Variants in MCM9 observed in about 807,000 individuals in gnomAD.
MCM9 encodes the protein DNA helicase MCM9.
MCM9 carries 55 observed loss-of-function variants against 72.8 expected under a neutral mutation model. The ratio of observed to expected loss-of-function variants is 0.76; its 90% confidence interval spans 0.61 to 0.95. The LOEUF (loss-of-function observed/expected upper bound fraction) is 0.95. Ranked by LOEUF, MCM9 falls within the 40% of genes least tolerant of loss-of-function variation. The probability of loss-of-function intolerance (pLI) is 0.00; values close to 1 mark genes in which losing one functional copy is unlikely to be tolerated. For synonymous variants in MCM9, 480 were observed against 503.4 expected (o/e 0.95, Z 0.62); for missense variants, 1,279 against 1,377.0 (o/e 0.93, Z 1.13).
At chr6:118,904,254 A>ATT (rs1199388528) in intron 8 of MCM9, among the ~76,000 whole-genome samples, 1 of 152,184 alleles carries the variant, frequency 6.6e-6, no homozygotes, top group Non-Finnish European at 1.5e-5. Context: ...GATGTAGGAG[A>ATT]TAAGGGAGTG....
chr6:118,902,163 C>A (rs1779837216), intron 8 of MCM9, among the ~76,000 whole-genome samples: 1 of 152,172 alleles, frequency 6.6e-6, no homozygotes, highest in African/African-American at 2.4e-5. Context: ...ACATGGGTAA[C>A]AGAATGCCCT....
At chr6:118,823,542 G>A (rs1408355939) in intron 13 of MCM9, among the ~76,000 whole-genome samples, 4 of 152,138 alleles carry the variant, frequency 2.6e-5, no homozygotes, top group African/African-American at 9.7e-5. Context: ...TTCCTATTTG[G>A]CCATCTTGCC....
chr6:118,888,770 AAC>A (rs1419739123), intron 8 of MCM9, among the ~76,000 whole-genome samples: 5 of 152,242 alleles, frequency 3.3e-5, no homozygotes, highest in Non-Finnish European at 5.9e-5. Context: ...ATCAATATAT[AAC>A]ACAACATGAA....
rs756957559 is a variant in MCM9 at position 118,815,556 on chromosome 6, C to T, written c.2700G>A (p.Ala900=). The change falls in exon 14 of 14, where the codon GCG becomes GCA. Residue 900 remains alanine, a synonymous_variant. Coordinates refer to ENST00000619706, the MANE Select transcript of MCM9 (RefSeq NM_017696.3). ...TTTCAATTGCAGGCTCTTCCACTTG[C>T]GCAAGGGATTTCGGTCTCTTTCTTT... ...SPKRKRPKSL[A]QVEEPAIENV... The T allele has an allele frequency of 4.5e-6, 7 of 1,550,106 alleles. No individual in the cohort carries two copies. Among genetic ancestry groups the T allele is most frequent in the East Asian group, 2.4e-5 (1 of 40,886 alleles).
In MCM9 at chr6:118,892,250, G is replaced by C. The variant is rs1224892076; in HGVS notation, c.1150+19400C>G. Among the ~76,000 whole-genome samples the C allele has an allele frequency of 2.6e-5, 4 of 152,232 alleles. No homozygotes were observed. The East Asian group carries it at 7.7e-4, about 29-fold the overall frequency. On this transcript the variant is annotated intron_variant, in intron 8 of 13. Transcript: ENST00000619706. ...GGAGCTAATTCTTGCAGCTTCCAGT[G>C]AAATGTTGGGGAGTTTTTTCTTCTT...
At chr6:118,927,205 G>C (rs1384098592) in intron 3 of MCM9, among the ~76,000 whole-genome samples, 3 of 152,166 alleles carry the variant, frequency 2.0e-5, no homozygotes, top group Admixed American at 6.5e-5. Context: ...GAAAAACTAA[G>C]ATCAGGAGAA....
chr6:118,887,947 G>C (rs1778699426), intron 8 of MCM9, among the ~76,000 whole-genome samples: 1 of 152,078 alleles, frequency 6.6e-6, no homozygotes, highest in Non-Finnish European at 1.5e-5. Flanking sequence ...TTTTAAAAAA[G>C]GGGTGAAGGG....
At chr6:118,886,008 C>A (rs1245464625) in intron 8 of MCM9, among the ~76,000 whole-genome samples, 3 of 151,332 alleles carry the variant, frequency 2.0e-5, no homozygotes, top group Non-Finnish European at 4.4e-5. Context: ...TCATTTAACA[C>A]CTGAAAAATC....
intron 8 of MCM9, among the ~76,000 whole-genome samples, chr6:118,883,914 TTA>T (rs1778447079): frequency 1.3e-5 from 2 of 152,184 alleles, no homozygotes; most frequent in Non-Finnish European, 2.9e-5. Context: ...GCAAAGGTAA[TTA>T]TGTAACTAGA....
chr6:118,920,209 A>T (rs972966505), intron 5 of MCM9: 6 of 152,254 alleles, frequency 3.9e-5, no homozygotes, highest in Non-Finnish European at 8.8e-5. Flanking sequence ...CTAGTCCTAT[A>T]TGAGCAAGGT....
intron 8 of MCM9, among the ~76,000 whole-genome samples, chr6:118,887,744 A>G (rs911706512): frequency 6.6e-6 from 1 of 152,206 alleles, no homozygotes; most frequent in Non-Finnish European, 1.5e-5. Flanking sequence ...AAAGACCTGT[A>G]TGTAGAACAC....
At chr6:118,836,082 C>A (rs554407644) in intron 9 of MCM9, among the ~76,000 whole-genome samples, 24 of 152,112 alleles carry the variant, frequency 1.6e-4, no homozygotes, top group Non-Finnish European at 3.1e-4. Context: ...TATTGAAGGC[C>A]TTTTCTGCAT....
At chr6:118,888,277 T>G (rs867269734) in intron 8 of MCM9, among the ~76,000 whole-genome samples, 37 of 152,112 alleles carry the variant, frequency 2.4e-4, no homozygotes, top group South Asian at 8.3e-4. Flanking sequence ...ACAAGGTCAG[T>G]AGATCGAGAC....
chr6:118,904,468 C>T (rs140695885), intron 8 of MCM9, among the ~76,000 whole-genome samples: 69 of 152,316 alleles, frequency 4.5e-4, no homozygotes, highest in African/African-American at 1.6e-3. Flanking sequence ...GATCCATTTA[C>T]CACCCAGAAT....
At chr6:118,923,029 CAAAAAAAAAA>C (rs780562520) in intron 4 of MCM9, among the ~76,000 whole-genome samples, 15 of 43,514 alleles carry the variant, frequency 3.4e-4, no homozygotes, top group African/African-American at 1.1e-3. Flanking sequence ...AACTCCATCT[CAAAAAAAAAA>C]AAAAAAAAAA....
intron 5 of MCM9, chr6:118,919,769 TCTG>T (rs1429199323): frequency 1.3e-5 from 2 of 152,194 alleles, no homozygotes; most frequent in African/African-American, 4.8e-5. Flanking sequence ...CCCTATATCA[TCTG>T]CGGCATCTTT....
chr6:118,843,708 G>A (rs368533379), intron 9 of MCM9, among the ~76,000 whole-genome samples: 1,847 of 59,056 alleles, frequency 0.031, 65 homozygotes, highest in Middle Eastern at 0.1. Context: ...ATATATGTAT[G>A]TATATATATA....
chr6:118,850,025 C>T (rs1194886389), intron 9 of MCM9, among the ~76,000 whole-genome samples: 4 of 151,694 alleles, frequency 2.6e-5, no homozygotes, highest in African/African-American at 9.7e-5. Flanking sequence ...TTAAAACAAG[C>T]TATATTTTGC....
chr6:118,903,877 G>A (rs182136619), intron 8 of MCM9, among the ~76,000 whole-genome samples: 114 of 152,228 alleles, frequency 7.5e-4, no homozygotes, highest in Admixed American at 7.3e-3. Context: ...GTGAGCCACC[G>A]TGCTCAGAGC....
Sources: gnomAD v4.1 joint callset for allele counts (sites outside exome capture counted in the v4.1 genomes callset) on GRCh38, gnomAD v4.1.1 for gene constraint, MANE v1.5 for transcripts, NCBI Gene and HGNC (gene_info 2026-07-23, HGNC 2026-07-21) for gene names.